The following RABGAP1L variants were observed in gnomAD, a reference collection of about 807,000 sequenced individuals.
RABGAP1L encodes the protein RAB GTPase activating protein 1 like, also known as rab GTPase-activating protein 1-like.
Under a neutral mutation model 137.7 loss-of-function variants are expected in RABGAP1L, and 63 were observed. The observed-to-expected ratio is 0.46, with a 90% CI of 0.37 to 0.56. The LOEUF (loss-of-function observed/expected upper bound fraction) is 0.56. RABGAP1L is among the 20% of genes least tolerant of loss of function. The probability of loss-of-function intolerance (pLI) is 0.00; values close to 1 mark genes in which losing one functional copy is unlikely to be tolerated. For synonymous variants in RABGAP1L, 431 were observed against 433.7 expected, an observed-to-expected ratio of 0.99 and a Z score of 0.08; for missense variants, 1,095 against 1,244.0, an observed-to-expected ratio of 0.88 and a Z score of 1.80.
chr1:174,484,792 T>G (rs1381645120), intron 13 of RABGAP1L, among the ~76,000 whole-genome samples: 1 of 152,170 alleles, frequency 6.6e-6, no homozygotes, highest in Non-Finnish European at 1.5e-5. Context: ...AATGTGATTC[T>G]TCCAGTTCTG....
At chr1:174,604,677 C>T (rs972113397) in intron 13 of RABGAP1L, among the ~76,000 whole-genome samples, 1 of 152,144 alleles carries the variant, frequency 6.6e-6, no homozygotes, top group African/African-American at 2.4e-5. Flanking sequence ...GTCATTTAGT[C>T]CATCCCTAAA....
intron 15 of RABGAP1L, among the ~76,000 whole-genome samples, chr1:174,698,573 G>A (rs1679422947): frequency 6.6e-6 from 1 of 152,004 alleles, no homozygotes; most frequent in South Asian, 2.1e-4. Flanking sequence ...GTTTATTGAA[G>A]CTTTATATGA....
chr1:174,621,469 G>A (rs1398890141), intron 13 of RABGAP1L, among the ~76,000 whole-genome samples: 1 of 152,178 alleles, frequency 6.6e-6, no homozygotes, highest in Non-Finnish European at 1.5e-5. Flanking sequence ...CAAGGCTACA[G>A]TAACCAAAAC....
intron 7 of RABGAP1L, among the ~76,000 whole-genome samples, chr1:174,263,984 G>T (rs1040680324): frequency 9.9e-5 from 15 of 152,054 alleles, no homozygotes; most frequent in African/African-American, 3.4e-4. Flanking sequence ...ATCCGTATTT[G>T]TAATAGTAGC....
At chr1:174,460,537 C>T (rs147162413) in intron 13 of RABGAP1L, among the ~76,000 whole-genome samples, 1 of 151,964 alleles carries the variant, frequency 6.6e-6, no homozygotes, top group East Asian at 1.9e-4. Flanking sequence ...AAGGCTTTTC[C>T]ACATTTAGTA....
chr1:174,500,972 A>C (rs1661207201), intron 13 of RABGAP1L, among the ~76,000 whole-genome samples: 1 of 152,226 alleles, frequency 6.6e-6, no homozygotes, highest in Non-Finnish European at 1.5e-5. Flanking sequence ...TTTTTTACAA[A>C]TTCATTGCCT....
At chr1:174,335,990 C>T (rs1469006119) in intron 11 of RABGAP1L, among the ~76,000 whole-genome samples, 1 of 152,062 alleles carries the variant, frequency 6.6e-6, no homozygotes, top group African/African-American at 2.4e-5. Flanking sequence ...TTTGTTGTAC[C>T]TTTTAGGTTT....
chr1:174,675,459 G>C (rs1677542108), intron 14 of RABGAP1L, among the ~76,000 whole-genome samples: 1 of 151,458 alleles, frequency 6.6e-6, no homozygotes, highest in South Asian at 2.1e-4. Context: ...TCTCTGTTTT[G>C]GTACCAGTAC....
At chr1:174,893,778 C>G (rs1213146309) in intron 19 of RABGAP1L, among the ~76,000 whole-genome samples, 1 of 152,066 alleles carries the variant, frequency 6.6e-6, no homozygotes, top group Non-Finnish European at 1.5e-5. Flanking sequence ...CTCAAAAGCT[C>G]TCTTCTGGAA....
rs998429843 is a variant in RABGAP1L at position 174,990,593 on chromosome 1, A to G, written c.*592A>G. The stretch of plus-strand genomic sequence containing the variant: ...CATTTTCTGTTCGGTACATCTGGAA[A>G]TGAAGTGCCAGGAATAGACGGGCTG... On this transcript the variant is annotated 3_prime_UTR_variant, in exon 26 of 26. Coordinates refer to ENST00000681986, the MANE Select transcript of RABGAP1L (RefSeq NM_001366446.1). 1.3e-5 allele frequency: 2 copies of G among 152,252 alleles called. No individual in the cohort carries two copies. Among genetic ancestry groups the G allele is most frequent in the African/African-American group, 4.8e-5 (2 of 41,458 alleles). The allele number at this position is 152,252 out of a possible 1,614,324, so 9.4% of individuals were successfully genotyped here.
chr1:174,297,533 C>G (rs115264542), intron 10 of RABGAP1L, among the ~76,000 whole-genome samples: 3 of 152,176 alleles, frequency 2.0e-5, no homozygotes, highest in Non-Finnish European at 4.4e-5. Flanking sequence ...GCGGCCCTTG[C>G]ACCTGGCTGT....
intron 11 of RABGAP1L, among the ~76,000 whole-genome samples, chr1:174,350,476 C>G (rs1265271587): frequency 8.7e-6 from 1 of 114,878 alleles, no homozygotes; most frequent in Non-Finnish European, 1.8e-5. Flanking sequence ...GAGGCGCTCC[C>G]CACATCTCAG....
intron 13 of RABGAP1L, among the ~76,000 whole-genome samples, chr1:174,402,046 G>A (rs1648656431): frequency 6.6e-6 from 1 of 152,180 alleles, no homozygotes; most frequent in Non-Finnish European, 1.5e-5. Flanking sequence ...TCTAACCTTA[G>A]TACTCAATGC....
chr1:174,316,304 T>C (rs1321746761), intron 11 of RABGAP1L, among the ~76,000 whole-genome samples: 1 of 152,210 alleles, frequency 6.6e-6, no homozygotes, highest in African/African-American at 2.4e-5. Flanking sequence ...TAGTAGATGT[T>C]TTTCGGTGTC....
intron 21 of RABGAP1L, among the ~76,000 whole-genome samples, chr1:174,971,967 A>G (rs1199397834): frequency 2.0e-5 from 3 of 152,274 alleles, no homozygotes; most frequent in African/African-American, 7.2e-5. Context: ...TGACCATTTT[A>G]GTGCTAATTT....
chr1:174,456,570 A>G (rs750795743), intron 13 of RABGAP1L, among the ~76,000 whole-genome samples: 3 of 152,114 alleles, frequency 2.0e-5, no homozygotes, highest in Non-Finnish European at 4.4e-5. Context: ...TCTATAAATT[A>G]TCAGTCAGGG....
intron 13 of RABGAP1L, among the ~76,000 whole-genome samples, chr1:174,481,360 C>T (rs1383470098): frequency 2.0e-5 from 3 of 152,194 alleles, no homozygotes; most frequent in South Asian, 2.1e-4. Context: ...GAGTGCTTCT[C>T]ATGCTACCTC....
intron 7 of RABGAP1L, among the ~76,000 whole-genome samples, chr1:174,271,329 T>G (rs1674541111): frequency 6.6e-6 from 1 of 152,084 alleles, no homozygotes; most frequent in Admixed American, 6.6e-5. Flanking sequence ...ATGTCAGCAT[T>G]AGCCATGATA....
At chr1:174,292,218 A>G (rs574511354) in intron 10 of RABGAP1L, among the ~76,000 whole-genome samples, 49 of 146,594 alleles carry the variant, frequency 3.3e-4, no homozygotes, top group African/African-American at 1.2e-3. Flanking sequence ...TTTTGTATGG[A>G]TGGGGTGTTG....
Sources: gnomAD v4.1 joint callset for allele counts (sites outside exome capture counted in the v4.1 genomes callset) on GRCh38, gnomAD v4.1.1 for gene constraint, MANE v1.5 for transcripts, NCBI Gene and HGNC (gene_info 2026-07-23, HGNC 2026-07-21) for gene names.